Variants in CHD2 observed in about 807,000 individuals in gnomAD.
The protein encoded by CHD2 is chromodomain helicase DNA binding protein 2.
A neutral mutation model predicts 243.9 loss-of-function variants in CHD2; 28 were observed. The observed-to-expected ratio is 0.11, with a 90% CI of 0.09 to 0.16. The LOEUF is 0.16. Among genes scored for constraint, CHD2 ranks in the 10% least tolerant of loss-of-function variants. CHD2 has a pLI of 1.00. For synonymous variants in CHD2, 775 were observed against 779.0 expected, an observed-to-expected ratio of 0.99 and a Z score of 0.09; for missense variants, 1,386 against 2,209.8, an observed-to-expected ratio of 0.63 and a Z score of 7.47.
chr15:92,991,598 A>G (rs760697388), intron 27 of CHD2, 81 bp downstream of exon 27: 34 of 964,568 alleles, frequency 3.5e-5, no homozygotes, highest in Non-Finnish European at 4.7e-5. Flanking sequence ...AAATTTTTCC[A>G]TTTAATACTA....
At chr15:92,951,796 AG>A (rs2053557729) in intron 13 of CHD2, among the ~76,000 whole-genome samples, 1 of 152,230 alleles carries the variant, frequency 6.6e-6, no homozygotes, top group Non-Finnish European at 1.5e-5. Context: ...TGAGATGTAT[AG>A]GGGTATGGCT....
At chr15:92,940,261 C>G (rs2053337901) in intron 7 of CHD2, among the ~76,000 whole-genome samples, 1 of 152,104 alleles carries the variant, frequency 6.6e-6, no homozygotes, top group Non-Finnish European at 1.5e-5. Flanking sequence ...TGAGACCAGC[C>G]TAGACAACAG....
intron 16 of CHD2, among the ~76,000 whole-genome samples, chr15:92,957,844 A>G (rs1233669155): frequency 6.6e-6 from 1 of 152,142 alleles, no homozygotes; most frequent in Non-Finnish European, 1.5e-5. Context: ...ATATAGCCTT[A>G]GGCAACCAGT....
intron 26 of CHD2, among the ~76,000 whole-genome samples, chr15:92,987,985 C>T (rs1046728420): frequency 1.3e-5 from 2 of 152,132 alleles, no homozygotes; most frequent in African/African-American, 4.8e-5. Flanking sequence ...TTATAGCTCA[C>T]CATCCCCATT....
intron 19 of CHD2, among the ~76,000 whole-genome samples, chr15:92,973,100 G>A (rs980728177): frequency 6.6e-6 from 1 of 152,156 alleles, no homozygotes; most frequent in Admixed American, 6.5e-5. Context: ...TAGAAGGAGA[G>A]GGCAGTATCA....
chr15:92,977,697 A>G (rs952913728), intron 20 of CHD2, among the ~76,000 whole-genome samples: 8 of 152,100 alleles, frequency 5.3e-5, no homozygotes, highest in African/African-American at 1.7e-4. Flanking sequence ...TAATTTTGGC[A>G]TGTTTTGTGG....
At chr15:92,922,490 C>T (rs545495288) in intron 2 of CHD2, among the ~76,000 whole-genome samples, 8 of 152,250 alleles carry the variant, frequency 5.3e-5, no homozygotes, top group Middle Eastern at 3.4e-3. Flanking sequence ...TGAAAGGCCT[C>T]CGTATTGTAA....
At chr15:92,963,711 G>A (rs770884652) in intron 16 of CHD2, among the ~76,000 whole-genome samples, 2 of 152,118 alleles carry the variant, frequency 1.3e-5, no homozygotes, top group Admixed American at 6.5e-5. Flanking sequence ...AAGATGTCCC[G>A]TATGACACAG....
In CHD2 at chr15:93,009,264, C is replaced by T. The variant is rs141821906; in HGVS notation, c.4533C>T (p.Asp1511=). 1.1e-4 allele frequency: 182 copies of T among 1,614,082 alleles called. No individual in the cohort carries two copies. The highest frequency in any genetic ancestry group is 4.9e-4 in the Middle Eastern group (3 of 6,084). ...HTRNCLLKIG[D]RIAECLKAYS... ...GGAACTGCCTGCTGAAAATCGGAGA[C>T]CGGATAGCCGAGTGCCTTAAAGCCT... The change falls in exon 35 of 39, where the codon GAC becomes GAT. Residue 1511 remains aspartate, a synonymous_variant. Transcript: ENST00000394196.
At position 92,998,858 on chromosome 15, in the gene CHD2, C is replaced by G. The variant is rs7174043; in HGVS notation, c.4008+237C>G. 5.9e-5 allele frequency among the ~76,000 whole-genome samples: 9 copies of G among 151,714 alleles called. No homozygotes were observed. The highest frequency in any genetic ancestry group is 2.2e-4 in the African/African-American group (9 of 41,372). On this transcript the variant is annotated intron_variant, in intron 31 of 38. Coordinates refer to ENST00000394196, the MANE Select transcript of CHD2 (RefSeq NM_001271.4). The surrounding 1 kb of genome is among the most constrained non-coding windows in gnomAD (Gnocchi z 5.1). The stretch of plus-strand genomic sequence containing the variant: ...CAGCACTTTGGGAGGCTGAGGCGGG[C>G]GGATCACAAGGTCAGGAGATTGAGA...
chr15:92,902,224 C>A, intron 2 of CHD2: 1 of 397,860 alleles, frequency 2.5e-6, no homozygotes, highest in Non-Finnish European at 4.4e-6. Context: ...ACTGTTTGTG[C>A]AAATCATGAT....
chr15:92,989,334 C>G (rs2054088030), intron 26 of CHD2, among the ~76,000 whole-genome samples: 1 of 152,180 alleles, frequency 6.6e-6, no homozygotes, highest in Admixed American at 6.5e-5. Context: ...GCCCAGCTTA[C>G]TTTTTGGTTT....
intron 14 of CHD2, chr15:92,954,041 G>C (rs1277409888): frequency 1.9e-5 from 3 of 155,164 alleles, no homozygotes. Context: ...TAGGACTGTA[G>C]AAATAAGAAT....
chr15:92,975,345 C>T (rs1474552121), intron 20 of CHD2, among the ~76,000 whole-genome samples: 2 of 152,208 alleles, frequency 1.3e-5, no homozygotes, highest in African/African-American at 2.4e-5. Flanking sequence ...TGTTGGACTT[C>T]TGATACAGTG....
At chr15:92,930,712 C>T (rs1217694219) in intron 5 of CHD2, among the ~76,000 whole-genome samples, 2 of 152,196 alleles carry the variant, frequency 1.3e-5, no homozygotes, top group Admixed American at 6.5e-5. Flanking sequence ...GTGTGAGCCA[C>T]TGTGCCCCGC....
At chr15:92,903,053 T>C (rs543515411) in intron 2 of CHD2, among the ~76,000 whole-genome samples, 8 of 152,346 alleles carry the variant, frequency 5.3e-5, no homozygotes, top group African/African-American at 1.9e-4. Context: ...AAGTATACTT[T>C]GAATCATATA....
rs1275114588 is a variant in CHD2, at chr15:92,978,429, A to C, written c.2727+46A>C. 5 of 1,566,698 alleles carry C rather than the reference A, an allele frequency of 3.2e-6. No individual in the cohort carries two copies. In the Admixed American group the frequency reaches 1.1e-4, roughly 33 times the overall value. On this transcript the variant is annotated intron_variant, in intron 21 of 38. Coordinates refer to ENST00000394196, the MANE Select transcript of CHD2 (RefSeq NM_001271.4). ...GGAAATTGCTTTAGGGTTGGGGGCC[A>C]GGGGGCTTGTTCAGCCCTTTCAGGA...
chr15:92,902,629 C>T (rs1364415219), intron 2 of CHD2: 1 of 152,888 alleles, frequency 6.5e-6, no homozygotes, highest in Non-Finnish European at 1.5e-5. Flanking sequence ...GTTTGTAGTG[C>T]TGTCTTAATT....
intron 6 of CHD2, 37 bp downstream of exon 6, chr15:92,937,662 C>T: frequency 7.0e-7 from 1 of 1,426,744 alleles, no homozygotes; most frequent in Non-Finnish European, 9.8e-7. Context: ...TTGGGATGAG[C>T]TTAATCTGCT....
Sources: allele counts gnomAD v4.1 joint callset (sites outside exome capture counted in the v4.1 genomes callset), GRCh38; gene constraint gnomAD v4.1.1; non-coding constraint Gnocchi (gnomAD v3.1); transcripts MANE v1.5; gene names NCBI Gene and HGNC (gene_info 2026-07-23, HGNC 2026-07-21).